Variants in UGT1A8 observed in about 807,000 individuals in gnomAD.
UGT1A8 encodes UDP-glucuronosyltransferase 1A8.
UGT1A8 carries 39 observed loss-of-function variants against 45.3 expected under a neutral mutation model. That is an observed-to-expected ratio of 0.86 (90% CI 0.67 to 1.12). UGT1A8 has a LOEUF of 1.12. Ranked by LOEUF, UGT1A8 falls within the 50% of genes most tolerant of loss-of-function variation. The pLI is 0.00. For missense variants in UGT1A8, 719 were observed against 664.9 expected (o/e 1.08, Z -0.90); for synonymous variants, 275 against 249.2 (o/e 1.10, Z -0.97).
At chr2:233,697,646 CT>C (rs2075403503) in intron 1 of UGT1A8, among the ~76,000 whole-genome samples, 1 of 150,654 alleles carries the variant, frequency 6.6e-6, no homozygotes, top group African/African-American at 2.4e-5. Context: ...TTTTTAGTTC[CT>C]TGAGGTGCAT....
At chr2:233,621,610 A>G (rs1469080127) in intron 1 of UGT1A8, among the ~76,000 whole-genome samples, 1 of 152,224 alleles carries the variant, frequency 6.6e-6, no homozygotes, top group East Asian at 1.9e-4. Flanking sequence ...GGAGAGACTT[A>G]GTGTCATGAC....
intron 1 of UGT1A8, among the ~76,000 whole-genome samples, chr2:233,655,808 A>G (rs1302370369): frequency 6.6e-6 from 1 of 152,172 alleles, no homozygotes; most frequent in Non-Finnish European, 1.5e-5. Context: ...AGCCCCAGCC[A>G]TTCTCTTAAC....
In UGT1A8 at chr2:233,632,863, A is replaced by G. The variant is rs1040499954; in HGVS notation, c.855+14301A>G. The stretch of plus-strand genomic sequence containing the variant: ...GATTGCCCTGGCCAGAACTTCCAAT[A>G]CTATGTTGAATAGGAGTGGTGAGAG... On this transcript the variant is annotated intron_variant, in intron 1 of 4. Transcript: ENST00000373450. Among the ~76,000 whole-genome samples, 21 of 152,138 alleles carry G rather than the reference A, an allele frequency of 1.4e-4. 1 individual carries two copies. The highest frequency in any genetic ancestry group is 4.3e-4 in the African/African-American group (18 of 41,418).
intron 1 of UGT1A8, chr2:233,747,808 C>G (rs1432471540): frequency 1.2e-6 from 2 of 1,613,386 alleles, no homozygotes; most frequent in African/African-American, 2.7e-5. Flanking sequence ...AAGTTACTAA[C>G]GACCAATTCA....
At chr2:233,729,152 T>C (rs749302324) in intron 1 of UGT1A8, 3 of 1,613,556 alleles carry the variant, frequency 1.9e-6, no homozygotes, top group Non-Finnish European at 2.5e-6. Flanking sequence ...CAGGTTCCCC[T>C]GCCGTGGCTG....
At chr2:233,695,723 A>G (rs1232477680) in intron 1 of UGT1A8, among the ~76,000 whole-genome samples, 1 of 152,152 alleles carries the variant, frequency 6.6e-6, no homozygotes, top group Non-Finnish European at 1.5e-5. Flanking sequence ...ACTTCCAGTT[A>G]CATTTATGTT....
At chr2:233,673,873 C>T (rs2074267276) in intron 1 of UGT1A8, among the ~76,000 whole-genome samples, 1 of 152,150 alleles carries the variant, frequency 6.6e-6, no homozygotes, top group Non-Finnish European at 1.5e-5. Flanking sequence ...AAAGAATTCC[C>T]TTCTCTGATA....
At chr2:233,665,581 G>A (rs2074058636) in intron 1 of UGT1A8, among the ~76,000 whole-genome samples, 1 of 152,194 alleles carries the variant, frequency 6.6e-6, no homozygotes, top group South Asian at 2.1e-4. Context: ...GGCAAGGTAG[G>A]GCAGGAGAAA....
chr2:233,769,675 G>A lies in UGT1A8; in HGVS notation c.1295+1236G>A, dbSNP rs1044597905. 16 of 1,578,848 alleles carry A rather than the reference G, an allele frequency of 1.0e-5. No homozygotes were observed. The highest frequency in any genetic ancestry group is 1.4e-5 in the Non-Finnish European group (16 of 1,162,352). ...CTTCCCACCTTTGAGGTGCTAATGT[G>A]TGTGTGGTGGCACTGGATAAAAGAT... On this transcript the variant is annotated intron_variant, in intron 4 of 4. Coordinates refer to ENST00000373450, the MANE Select transcript of UGT1A8 (RefSeq NM_019076.5). The surrounding 1 kb of genome is among the most constrained non-coding windows in gnomAD (Gnocchi z 4.4).
intron 1 of UGT1A8, among the ~76,000 whole-genome samples, chr2:233,737,048 T>C (rs764914717): frequency 2.0e-5 from 3 of 152,226 alleles, no homozygotes; most frequent in Admixed American, 6.5e-5. Flanking sequence ...AATGCCATAC[T>C]AGGAGAACGA....
At chr2:233,735,242 T>C (rs989843667) in intron 1 of UGT1A8, among the ~76,000 whole-genome samples, 1 of 152,236 alleles carries the variant, frequency 6.6e-6, no homozygotes, top group Non-Finnish European at 1.5e-5. Context: ...CTCTTGTTGT[T>C]GAATTGCTCC....
chr2:233,687,079 G>A (rs901848542), intron 1 of UGT1A8, among the ~76,000 whole-genome samples: 1 of 152,194 alleles, frequency 6.6e-6, no homozygotes, highest in African/African-American at 2.4e-5. Flanking sequence ...GATTTCATAA[G>A]TACTTCAGCT....
intron 1 of UGT1A8, among the ~76,000 whole-genome samples, chr2:233,728,414 C>T (rs186918599): frequency 6.6e-6 from 1 of 152,192 alleles, no homozygotes; most frequent in African/African-American, 2.4e-5. Context: ...CTTTAGATAG[C>T]AGCACCTCTT....
chr2:233,620,011 C>T (rs569397845), intron 1 of UGT1A8, among the ~76,000 whole-genome samples: 1 of 152,122 alleles, frequency 6.6e-6, no homozygotes, highest in African/African-American at 2.4e-5. Flanking sequence ...CCAGATGAAA[C>T]ACCTGGTGTC....
At chr2:233,689,776 T>A (rs1159047990) in intron 1 of UGT1A8, 3 of 333,486 alleles carry the variant, frequency 9.0e-6, no homozygotes, top group Non-Finnish European at 1.8e-5. Flanking sequence ...CTCGGGGACA[T>A]ATGTTATGAT....
chr2:233,771,982 G>T (rs1700430504), intron 4 of UGT1A8, among the ~76,000 whole-genome samples: 2 of 152,206 alleles, frequency 1.3e-5, no homozygotes, highest in South Asian at 4.1e-4. Context: ...AGACATAGTG[G>T]TGCATGACTA....
chr2:233,743,747 G>C (rs370175895), intron 1 of UGT1A8: 65 of 1,367,344 alleles, frequency 4.8e-5, no homozygotes, highest in Non-Finnish European at 6.4e-5. Flanking sequence ...CTTGGCGTCC[G>C]ACAACACCTC....
chr2:233,772,792 A>G lies in UGT1A8; in HGVS notation c.*233A>G. On this transcript the variant is annotated 3_prime_UTR_variant, in exon 5 of 5. Coordinates refer to ENST00000373450, the MANE Select transcript of UGT1A8 (RefSeq NM_019076.5). ...CTCTGGTGTCTTTGATCAGGATGAC[A>G]TGTGCCATTTTTCAGAGGACGTGCA... 8.2e-7 allele frequency: 1 copy of G among 1,219,898 alleles called. No homozygotes were observed. The highest frequency in any genetic ancestry group is 3.0e-4 in the Middle Eastern group (1 of 3,362). 75.6% of individuals were successfully genotyped at this position (1,219,898 alleles called of 1,614,324 possible).
rs34946978 is a variant in UGT1A8 at position 233,768,226 on chromosome 2, C to T, written c.1082C>T (p.Pro361Leu). 720 of 1,614,202 alleles carry T rather than the reference C, an allele frequency of 4.5e-4. 7 individuals carry two copies. The East Asian group carries it at 9.4e-3, about 21-fold the overall frequency. The change falls in exon 4 of 5, where the codon CCG becomes CTG. Residue 361 changes from proline to leucine, a missense_variant. By Grantham distance (98) the Pro-to-Leu change is moderately conservative. Transcript: ENST00000373450. Reference sequence around the variant, plus strand: ...TCCCTATTTTGCATCTCAGGTCACCCGATGACCCGTGCCTTTATCACCCAT... The same window carrying T: ...TCCCTATTTTGCATCTCAGGTCACCTGATGACCCGTGCCTTTATCACCCAT... The part of the protein sequence containing the change: ...WLPQNDLLGH[P>L]MTRAFITHAG...
Sources: allele counts gnomAD v4.1 joint callset (sites outside exome capture counted in the v4.1 genomes callset), GRCh38; gene constraint gnomAD v4.1.1; non-coding constraint Gnocchi (gnomAD v3.1); transcripts MANE v1.5; gene names NCBI Gene and HGNC (gene_info 2026-07-23, HGNC 2026-07-21).